The following PLEKHG1 variants were observed in gnomAD, a reference collection of about 807,000 sequenced individuals.
The protein encoded by PLEKHG1 is pleckstrin homology domain-containing family G member 1.
PLEKHG1 carries 44 observed loss-of-function variants against 100.8 expected under a neutral mutation model. That is an observed-to-expected ratio of 0.44 (90% CI 0.34 to 0.56). PLEKHG1 has a LOEUF of 0.56. Ranked by LOEUF, PLEKHG1 falls within the 20% of genes least tolerant of loss-of-function variation. The pLI is 0.01. For synonymous variants in PLEKHG1, 640 were observed against 662.5 expected (o/e 0.97, Z 0.52); for missense variants, 1,545 against 1,720.9 (o/e 0.90, Z 1.81).
At chr6:150,839,353 T>C (rs1777394407) in intron 15 of PLEKHG1, among the ~76,000 whole-genome samples, 2 of 152,196 alleles carry the variant, frequency 1.3e-5, no homozygotes, top group African/African-American at 2.4e-5. Flanking sequence ...TGACCTCAAG[T>C]GATCCACCTG....
At chr6:150,784,749 C>G (rs77349876) in intron 3 of PLEKHG1, among the ~76,000 whole-genome samples, 3,440 of 151,674 alleles carry the variant, frequency 0.023, 134 homozygotes, top group African/African-American at 0.08. Flanking sequence ...AATTAATGGT[C>G]TTTATCTTGA....
intron 3 of PLEKHG1, among the ~76,000 whole-genome samples, chr6:150,775,178 C>G (rs1784898595): frequency 1.3e-5 from 2 of 152,198 alleles, no homozygotes; most frequent in African/African-American, 4.8e-5. Flanking sequence ...AACCACTTTC[C>G]TCATTTGAAC....
At position 150,734,890 on chromosome 6, in the gene PLEKHG1, G is replaced by A. The variant is rs770404289; in HGVS notation, c.411+798G>A. ...TTATTCGATTTTGATTTTCTGGGTC[G>A]TTTTAAAGGATAAAGCAAGAATTAT... On this transcript the variant is annotated intron_variant, in intron 2 of 15. Transcript: ENST00000358517. Among the ~76,000 whole-genome samples the A allele has an allele frequency of 4.6e-5, 7 of 151,476 alleles. No homozygotes were observed. The East Asian group carries it at 5.8e-4, about 13-fold the overall frequency.
chr6:150,782,380 C>T (rs1029209407), intron 3 of PLEKHG1, among the ~76,000 whole-genome samples: 8 of 151,938 alleles, frequency 5.3e-5, no homozygotes, highest in South Asian at 2.1e-4. Context: ...GGCAGCAGAG[C>T]GAGACTCTGT....
exon 15 of PLEKHG1, chr6:150,830,690 G>A (rs1776866388): frequency 6.2e-7 from 1 of 1,614,164 alleles, no homozygotes; most frequent in East Asian, 2.2e-5. Flanking sequence ...TCGAGCGGGT[G>A]GAGCTCTCAG....
chr6:150,601,700 C>CA (rs1776365049), intron 1 of PLEKHG1, among the ~76,000 whole-genome samples: 1 of 152,214 alleles, frequency 6.6e-6, no homozygotes, highest in Non-Finnish European at 1.5e-5. Flanking sequence ...AGTCCACAGT[C>CA]AACAGCAATG....
At chr6:150,812,952 A>G (rs559117106) in intron 10 of PLEKHG1, among the ~76,000 whole-genome samples, 1 of 152,294 alleles carries the variant, frequency 6.6e-6, no homozygotes, top group East Asian at 1.9e-4. Context: ...TAATAAAGTC[A>G]TCTGCTGAGT....
At chr6:150,757,952 G>A (rs1193844861) in intron 2 of PLEKHG1, among the ~76,000 whole-genome samples, 3 of 151,804 alleles carry the variant, frequency 2.0e-5, no homozygotes, top group Non-Finnish European at 4.4e-5. Flanking sequence ...TTGCTGTTTG[G>A]TTTTCTGTCC....
intron 1 of PLEKHG1, among the ~76,000 whole-genome samples, chr6:150,603,982 A>G (rs1275057280): frequency 2.0e-5 from 3 of 152,176 alleles, no homozygotes; most frequent in African/African-American, 7.2e-5. Flanking sequence ...TTTAATTAAG[A>G]AAGTTGTTTT....
At chr6:150,801,420 C>A (rs1340851777) in intron 6 of PLEKHG1, among the ~76,000 whole-genome samples, 2 of 143,678 alleles carry the variant, frequency 1.4e-5, no homozygotes, top group Admixed American at 1.5e-4. Flanking sequence ...CTCTTAAATT[C>A]TTTTTTCTTT....
At chr6:150,736,969 G>A (rs1782592798) in intron 2 of PLEKHG1, among the ~76,000 whole-genome samples, 1 of 152,156 alleles carries the variant, frequency 6.6e-6, no homozygotes, top group Non-Finnish European at 1.5e-5. Context: ...CGTGCCTGGG[G>A]AGAAAGAGTC....
At chr6:150,707,006 T>C (rs1224741886) in intron 3 of PLEKHG1, among the ~76,000 whole-genome samples, 1 of 132,800 alleles carries the variant, frequency 7.5e-6, no homozygotes, top group Non-Finnish European at 1.6e-5. Flanking sequence ...TTCTTTTTTT[T>C]TTTTTTTTTT....
At chr6:150,839,660 T>G (rs1197276744) in intron 15 of PLEKHG1, among the ~76,000 whole-genome samples, 173 bp from the exon 17 acceptor site, 2 of 152,122 alleles carry the variant, frequency 1.3e-5, no homozygotes, top group East Asian at 3.9e-4. Flanking sequence ...AACCATGGAT[T>G]TGTGTGTGTG....
exon 15 of PLEKHG1, chr6:150,830,872 C>A (rs1352385531): frequency 6.2e-7 from 1 of 1,614,198 alleles, no homozygotes; most frequent in East Asian, 2.2e-5. Flanking sequence ...GCCCTTGCAG[C>A]TGGCATATGG....
At chr6:150,599,896 C>A in exon 1 of PLEKHG1, 1 of 184,970 alleles carries the variant, frequency 5.4e-6, no homozygotes, top group South Asian at 8.5e-5. Flanking sequence ...AGCCTGAGCC[C>A]GAGCCCGAGC....
At chr6:150,613,084 T>A (rs1163957630) in intron 1 of PLEKHG1, among the ~76,000 whole-genome samples, 1 of 152,180 alleles carries the variant, frequency 6.6e-6, no homozygotes, top group Non-Finnish European at 1.5e-5. Context: ...GCTCCTCTCC[T>A]GATACTCACT....
chr6:150,628,792 G>A (rs1479697679), intron 1 of PLEKHG1, among the ~76,000 whole-genome samples: 3 of 152,154 alleles, frequency 2.0e-5, no homozygotes, highest in Non-Finnish European at 2.9e-5. Context: ...AACCTGTGTT[G>A]TAGTAATAGC....
In PLEKHG1 at chr6:150,769,569, A is replaced by T. The variant is rs148645263; in HGVS notation, c.512+831A>T. 7.1e-5 allele frequency among the ~76,000 whole-genome samples: 10 copies of T among 140,260 alleles called. No homozygotes were observed. In the East Asian group the frequency reaches 2.2e-3, roughly 30 times the overall value. 92.0% of individuals were successfully genotyped at this position (140,260 alleles called of 152,430 possible). A position where few individuals can be genotyped will look rare whatever the true frequency, so the allele number is the denominator to read the frequency against. ...GCAATCTGTCCAGCCAGGGTGACAG[A>T]GCAAGACTCCATCTCAAAAAAAAAA... On this transcript the variant is annotated intron_variant, in intron 3 of 15. Coordinates refer to ENST00000358517, the Ensembl canonical transcript of PLEKHG1.
At chr6:150,819,997 G>A (rs1776206553) in intron 12 of PLEKHG1, among the ~76,000 whole-genome samples, 1 of 151,994 alleles carries the variant, frequency 6.6e-6, no homozygotes, top group South Asian at 2.1e-4. Context: ...GTCACCTGAG[G>A]TCAGGAGTTC....
Sources: allele counts gnomAD v4.1 joint callset (sites outside exome capture counted in the v4.1 genomes callset), GRCh38; gene constraint gnomAD v4.1.1; transcripts MANE v1.5; gene names NCBI Gene and HGNC (gene_info 2026-07-23, HGNC 2026-07-21).